The following SIRPA variants were observed in gnomAD, a reference collection of about 807,000 sequenced individuals.
SIRPA encodes the protein signal regulatory protein alpha, also known as tyrosine-protein phosphatase non-receptor type substrate 1.
A neutral mutation model predicts 50.3 loss-of-function variants in SIRPA; 9 were observed. The ratio of observed to expected loss-of-function variants is 0.18; its 90% confidence interval spans 0.11 to 0.31. The LOEUF is 0.31. Ranked by LOEUF, SIRPA falls within the 10% of genes least tolerant of loss-of-function variation. The probability of loss-of-function intolerance (pLI) is 1.00; values close to 1 mark genes in which losing one functional copy is unlikely to be tolerated. For synonymous variants in SIRPA, 265 were observed against 284.1 expected (o/e 0.93, Z 0.68); for missense variants, 474 against 661.6 (o/e 0.72, Z 3.11).
chr20:1,920,960 A>C (rs1049067422), intron 2 of SIRPA, among the ~76,000 whole-genome samples: 25 of 152,226 alleles, frequency 1.6e-4, no homozygotes, highest in African/African-American at 4.8e-4. Context: ...GCCTGGTTCC[A>C]GCTCTCATGG....
rs905362234 is a variant in SIRPA at position 1,936,294 on chromosome 20, T to G, written c.1267-1026T>G. ...ATTAGCACATGGGAGGTATCCAAGT[T>G]TGCTAAGTGGTTAATGATTGCGAAC... On this transcript the variant is annotated intron_variant, in intron 7 of 7. Transcript: ENST00000358771. This position sits in a 1 kb window ranked among gnomAD's most constrained non-coding sequence, Gnocchi z 4.2. Among the ~76,000 whole-genome samples, 1 of 152,110 alleles carries G rather than the reference T, an allele frequency of 6.6e-6. No individual in the cohort carries two copies. The highest frequency in any genetic ancestry group is 1.9e-4 in the East Asian group (1 of 5,194).
intron 5 of SIRPA, among the ~76,000 whole-genome samples, chr20:1,926,943 T>C (rs1417639713): frequency 6.6e-6 from 1 of 152,240 alleles, no homozygotes; most frequent in African/African-American, 2.4e-5. Flanking sequence ...AGGAGTCACC[T>C]AGTCTCTCTG....
At chr20:1,911,196 A>G (rs1356388953) in intron 1 of SIRPA, among the ~76,000 whole-genome samples, 2 of 152,150 alleles carry the variant, frequency 1.3e-5, no homozygotes, top group Non-Finnish European at 2.9e-5. Flanking sequence ...CTTTCCTTGG[A>G]TATTAGGATA....
At chr20:1,909,486 A>G (rs1477270566) in intron 1 of SIRPA, among the ~76,000 whole-genome samples, 1 of 152,256 alleles carries the variant, frequency 6.6e-6, no homozygotes, top group Non-Finnish European at 1.5e-5. Context: ...TCTATTAGAA[A>G]AAACATCCAT....
At chr20:1,901,138 T>TTGTTTTTTC (rs1367728039) in intron 1 of SIRPA, among the ~76,000 whole-genome samples, 1 of 151,784 alleles carries the variant, frequency 6.6e-6, no homozygotes, top group African/African-American at 2.4e-5. Context: ...ATTTTTGTTT[T>TTGTTTTTTC]TGTTTTTTCT....
intron 1 of SIRPA, among the ~76,000 whole-genome samples, chr20:1,896,374 G>C (rs1326381483): frequency 6.6e-6 from 1 of 151,570 alleles, no homozygotes; most frequent in Non-Finnish European, 1.5e-5. Context: ...GTTCACCAAA[G>C]GGTGAGGTCA....
intron 1 of SIRPA, among the ~76,000 whole-genome samples, chr20:1,907,278 TAGC>T (rs1183427860): frequency 2.6e-5 from 4 of 152,202 alleles, no homozygotes; most frequent in Non-Finnish European, 5.9e-5. Flanking sequence ...TCAATGCAGG[TAGC>T]AGTTTCTATC....
rs576900828 is a variant in SIRPA, at chr20:1,928,025, C to G, written c.1226+126C>G. Reference sequence around the variant, plus strand: ...TGTGTTGGTCAACATGTCTCTTTCTCTCCTTTGTAACCTCCTCACACTGGG... The same window carrying G: ...TGTGTTGGTCAACATGTCTCTTTCTGTCCTTTGTAACCTCCTCACACTGGG... On this transcript the variant is annotated intron_variant, in intron 6 of 7. Transcript: ENST00000358771. The surrounding 1 kb of genome is among the most constrained non-coding windows in gnomAD (Gnocchi z 4.9). 1 of 846,956 alleles carries G rather than the reference C, an allele frequency of 1.2e-6. No homozygotes were observed. The allele number at this position is 846,956 out of a possible 1,614,324, so 52.5% of individuals were successfully genotyped here. A position where few individuals can be genotyped will look rare whatever the true frequency, so the allele number is the denominator to read the frequency against.
chr20:1,922,811 A>G (rs1985748340), intron 4 of SIRPA, among the ~76,000 whole-genome samples, 166 bp downstream of exon 4: 1 of 152,236 alleles, frequency 6.6e-6, no homozygotes, highest in South Asian at 2.1e-4. Context: ...CCACACTCCA[A>G]GAGTCACCAC....
chr20:1,936,068 G>A lies in SIRPA; in HGVS notation c.1267-1252G>A, dbSNP rs975115808. Among the ~76,000 whole-genome samples, 8 of 152,106 alleles carry A rather than the reference G, an allele frequency of 5.3e-5. No individual in the cohort carries two copies. The highest frequency in any genetic ancestry group is 1.9e-4 in the African/African-American group (8 of 41,400). On this transcript the variant is annotated intron_variant, in intron 7 of 7. Transcript: ENST00000358771. The surrounding 1 kb of genome is among the most constrained non-coding windows in gnomAD (Gnocchi z 4.2). ...TCCTTCCCAAGCAGGGTTGTGGTAA[G>A]AGTGGATGGGGTGATCTATGTGATT... is the stretch of plus-strand genomic sequence containing the variant.
At chr20:1,905,160 CTG>C (rs1984471892) in intron 1 of SIRPA, among the ~76,000 whole-genome samples, 1 of 152,238 alleles carries the variant, frequency 6.6e-6, no homozygotes, top group Admixed American at 6.5e-5. Flanking sequence ...AGTCCGGAGA[CTG>C]TCTGCTGCCG....
intron 1 of SIRPA, among the ~76,000 whole-genome samples, chr20:1,905,146 C>T (rs1011463477): frequency 9.9e-5 from 15 of 152,206 alleles, no homozygotes; most frequent in African/African-American, 2.2e-4. Flanking sequence ...GGAAAAATCC[C>T]GTCAGTCCGG....
intron 1 of SIRPA, among the ~76,000 whole-genome samples, chr20:1,914,041 CA>C (rs1985069415): frequency 2.6e-5 from 4 of 152,202 alleles, no homozygotes; most frequent in Non-Finnish European, 4.4e-5. Flanking sequence ...GTCCCCATCA[CA>C]GTGAGGCCTG....
chr20:1,933,753 A>G lies in SIRPA; in HGVS notation c.1227-962A>G, dbSNP rs1986422858. Among the ~76,000 whole-genome samples the G allele has an allele frequency of 6.6e-6, 1 of 152,110 alleles. No homozygotes were observed. Among genetic ancestry groups the G allele is most frequent in the South Asian group, 2.1e-4 (1 of 4,828 alleles). ...CATTTCTGACATTATCCATGCTAAC[A>G]TCCCCGGGGTTGCCGGCTTGAGAAT... On this transcript the variant is annotated intron_variant, in intron 6 of 7. Coordinates refer to ENST00000358771, the MANE Select transcript of SIRPA (RefSeq NM_001040023.2). The surrounding 1 kb of genome is among the most constrained non-coding windows in gnomAD (Gnocchi z 4.4).
chr20:1,916,730 T>C (rs997553456), intron 2 of SIRPA, among the ~76,000 whole-genome samples: 1 of 152,236 alleles, frequency 6.6e-6, no homozygotes. Context: ...CATCTTCCAT[T>C]GATGGATACG....
At chr20:1,914,290 A>T (rs1479438255) in intron 1 of SIRPA, among the ~76,000 whole-genome samples, 1 of 152,322 alleles carries the variant, frequency 6.6e-6, no homozygotes, top group East Asian at 1.9e-4. Flanking sequence ...TCCCACAAGA[A>T]CAAGGGGCGA....
intron 1 of SIRPA, among the ~76,000 whole-genome samples, chr20:1,904,119 C>G (rs568240955): frequency 1.3e-5 from 2 of 152,096 alleles, no homozygotes; most frequent in Non-Finnish European, 2.9e-5. Context: ...ACCACAGTCC[C>G]CCCCCTGCAG....
At position 1,934,775 on chromosome 20, in the gene SIRPA, C is replaced by A. The variant is rs1476051485; in HGVS notation, c.1266+21C>A. On this transcript the variant is annotated intron_variant, in intron 7 of 7. Transcript: ENST00000358771. This position sits in a 1 kb window ranked among gnomAD's most constrained non-coding sequence, Gnocchi z 4.6. ...CACAGGTACAGTCCTTGGTGAGATG[C>A]CCTTCCTGGGAAACTCCGTGGCGTG... The A allele has an allele frequency of 6.2e-6, 10 of 1,613,566 alleles. No individual in the cohort carries two copies. Among genetic ancestry groups the A allele is most frequent in the Non-Finnish European group, 8.5e-6 (10 of 1,179,704 alleles).
chr20:1,905,987 C>A (rs1040561406), intron 1 of SIRPA, among the ~76,000 whole-genome samples: 2 of 152,206 alleles, frequency 1.3e-5, no homozygotes, highest in African/African-American at 4.8e-5. Context: ...CGGAGAGGAT[C>A]CCGAGCCTCT....
Sources: allele counts gnomAD v4.1 joint callset (sites outside exome capture counted in the v4.1 genomes callset), GRCh38; gene constraint gnomAD v4.1.1; non-coding constraint Gnocchi (gnomAD v3.1); transcripts MANE v1.5; gene names NCBI Gene and HGNC (gene_info 2026-07-23, HGNC 2026-07-21).